The following HLCS variants were observed in gnomAD, a reference collection of about 807,000 sequenced individuals.
HLCS encodes the protein holocarboxylase synthetase, also known as biotin--protein ligase.
In HLCS, 53 loss-of-function variants were observed where a neutral mutation model predicts 75.0. The ratio of observed to expected loss-of-function variants is 0.71; its 90% CI spans 0.57 to 0.89. HLCS has a LOEUF of 0.89. HLCS is among the 40% of genes least tolerant of loss of function. The pLI is 0.00. For missense variants in HLCS, 966 were observed against 1,074.0 expected (o/e 0.90, Z 1.41); for synonymous variants, 431 against 428.6 (o/e 1.01, Z -0.07).
At position 36,753,365 on chromosome 21, in the gene HLCS, GGC is replaced by G. The variant is rs2089439131; in HGVS notation, c.*879_*880del. 6.6e-6 allele frequency: 1 copy of G among 152,156 alleles called. No homozygotes were observed. Among genetic ancestry groups the G allele is most frequent in the African/African-American group, 2.4e-5 (1 of 41,408 alleles). The allele number at this position is 152,156 out of a possible 1,614,324, so 9.4% of individuals were successfully genotyped here. On this transcript the variant is annotated 3_prime_UTR_variant, in exon 11 of 11. Transcript: ENST00000674895. This position sits in a 1 kb window ranked among gnomAD's most constrained non-coding sequence, Gnocchi z 4.3. ...CACATTTCAGAGTAAATCTGAAACT[GGC>G]TTAAAAGCTCCAAATCCTCCCTTGT...
chr21:36,936,313 C>T, intron 4 of HLCS, 136 bp downstream of exon 4: 4 of 819,346 alleles, frequency 4.9e-6, no homozygotes, highest in South Asian at 1.4e-5. Flanking sequence ...AGCAAAAGCT[C>T]CCAGCCAATA....
chr21:36,982,591 A>G (rs1364289657), intron 1 of HLCS, among the ~76,000 whole-genome samples: 2 of 152,206 alleles, frequency 1.3e-5, no homozygotes, highest in African/African-American at 4.8e-5. Flanking sequence ...ACAAAGCTTC[A>G]TATTGTGGTT....
intron 6 of HLCS, among the ~76,000 whole-genome samples, chr21:36,883,542 G>C (rs901137882): frequency 3.3e-5 from 5 of 152,216 alleles, no homozygotes; most frequent in Non-Finnish European, 7.3e-5. Flanking sequence ...AGAAACTACT[G>C]TTAAATCATA....
chr21:36,891,348 T>G (rs1236106905), intron 6 of HLCS, among the ~76,000 whole-genome samples: 1 of 152,184 alleles, frequency 6.6e-6, no homozygotes. Flanking sequence ...AAAGTAAACT[T>G]CCATCCTGTT....
Position 36,976,123 on chromosome 21 carries a change from C to G in HLCS, c.-392-13953G>C, listed in dbSNP as rs2068930834. Reference sequence around the variant, plus strand: ...ATACCCGACAAAAATAGAAATGAAACTCAAGATCCAAGACGCAAGAGTGGC... The same window carrying G: ...ATACCCGACAAAAATAGAAATGAAAGTCAAGATCCAAGACGCAAGAGTGGC... On this transcript the variant is annotated intron_variant, in intron 1 of 11. Transcript: ENST00000336648. 2.0e-5 allele frequency among the ~76,000 whole-genome samples: 3 copies of G among 152,116 alleles called. No homozygotes were observed. In the South Asian group the frequency reaches 6.2e-4, roughly 31 times the overall value.
In HLCS at chr21:36,937,276, C is replaced by CG. The variant is rs1364649593; in HGVS notation, c.609dup (p.Gly204ArgfsTer9). ...TCATCTCTGCCAACATGCTCCATAC[C>CG]GTCCTGCTCAGGCTTAATCTCAAGA... On this transcript the variant is annotated frameshift_variant, in exon 4 of 11. Coordinates refer to ENST00000674895, the MANE Select transcript of HLCS (RefSeq NM_001352514.2). LOFTEE classifies it high-confidence loss of function. 1 of 1,613,932 alleles carries CG rather than the reference C, an allele frequency of 6.2e-7. No individual in the cohort carries two copies. The highest frequency in any genetic ancestry group is 8.5e-7 in the Non-Finnish European group (1 of 1,180,008).
intron 2 of HLCS, among the ~76,000 whole-genome samples, chr21:36,945,844 C>T (rs909831673): frequency 6.6e-6 from 1 of 152,236 alleles, no homozygotes; most frequent in Non-Finnish European, 1.5e-5. Context: ...AGAAAAGAGT[C>T]CAGGCAGTTT....
chr21:36,941,024 C>T (rs1255359798), intron 2 of HLCS, among the ~76,000 whole-genome samples: 2 of 152,170 alleles, frequency 1.3e-5, no homozygotes, highest in Non-Finnish European at 2.9e-5. Context: ...CTAGCCTGGG[C>T]AACATGGTAA....
intron 6 of HLCS, among the ~76,000 whole-genome samples, chr21:36,828,565 A>G (rs2146037295): frequency 6.6e-6 from 1 of 152,348 alleles, no homozygotes; most frequent in Middle Eastern, 3.4e-3. Context: ...TGCAATAGAT[A>G]CATAATACCA....
At chr21:36,931,149 T>C (rs995950586) in intron 4 of HLCS, among the ~76,000 whole-genome samples, 5 of 151,714 alleles carry the variant, frequency 3.3e-5, no homozygotes, top group Admixed American at 6.6e-5. Context: ...CAGGCGTGGT[T>C]GCATGAGCCT....
At chr21:36,925,653 G>T (rs988751742) in intron 5 of HLCS, among the ~76,000 whole-genome samples, 4 of 152,156 alleles carry the variant, frequency 2.6e-5, no homozygotes, top group African/African-American at 9.7e-5. Context: ...AGGGTGGGGG[G>T]CTGGCTCTGC....
chr21:36,765,893 C>T (rs1032636112), intron 7 of HLCS, among the ~76,000 whole-genome samples: 9 of 152,156 alleles, frequency 5.9e-5, no homozygotes, highest in South Asian at 2.1e-4. Flanking sequence ...GTTATCTGCC[C>T]GCCTCGGCCT....
rs2089352270 is a variant in HLCS at position 36,751,174 on chromosome 21, AT to A, written c.*3071del. The A allele has an allele frequency of 6.5e-6, 1 of 152,692 alleles. No homozygotes were observed. The allele number at this position is 152,692 out of a possible 1,614,324, so 9.5% of individuals were successfully genotyped here. Reference sequence around the variant, plus strand: ...ACTTTTAAAAATGAAACTTGTAAAAATAAGAGGGAGCCCAAACCACATAGAA... The same window carrying A: ...ACTTTTAAAAATGAAACTTGTAAAAAAAGAGGGAGCCCAAACCACATAGAA... On this transcript the variant is annotated 3_prime_UTR_variant, in exon 11 of 11. Coordinates refer to ENST00000674895, the MANE Select transcript of HLCS (RefSeq NM_001352514.2).
intron 6 of HLCS, among the ~76,000 whole-genome samples, chr21:36,776,611 C>T (rs1468422261): frequency 6.6e-6 from 1 of 152,078 alleles, no homozygotes; most frequent in Admixed American, 6.6e-5. Flanking sequence ...GATGGGGTTT[C>T]ACCACGTTGG....
chr21:36,917,463 G>A (rs746446146), intron 5 of HLCS, among the ~76,000 whole-genome samples: 8 of 152,122 alleles, frequency 5.3e-5, no homozygotes, highest in Non-Finnish European at 1.0e-4. Flanking sequence ...ACCCCAGTGC[G>A]TTTCATGAAG....
intron 1 of HLCS, among the ~76,000 whole-genome samples, chr21:36,983,261 A>C (rs2069159597): frequency 1.3e-5 from 2 of 151,452 alleles, no homozygotes; most frequent in African/African-American, 4.8e-5. Flanking sequence ...CCCAAGCTGG[A>C]GTGCAGAAGC....
At chr21:36,873,027 T>TG (rs1317242426) in intron 6 of HLCS, among the ~76,000 whole-genome samples, 2 of 152,226 alleles carry the variant, frequency 1.3e-5, no homozygotes, top group African/African-American at 4.8e-5. Flanking sequence ...CTGGGGGATA[T>TG]GCAGTGGTAT....
At chr21:36,834,255 G>C (rs2062323551) in intron 6 of HLCS, among the ~76,000 whole-genome samples, 1 of 152,234 alleles carries the variant, frequency 6.6e-6, no homozygotes. Flanking sequence ...TACACACTGA[G>C]GTAATGAGGT....
intron 6 of HLCS, among the ~76,000 whole-genome samples, chr21:36,819,596 CT>C (rs1569055319): frequency 6.6e-6 from 1 of 151,978 alleles, no homozygotes; most frequent in Non-Finnish European, 1.5e-5. Context: ...TTACGGAAAG[CT>C]TCTAATACAG....
Sources: allele counts gnomAD v4.1 joint callset (sites outside exome capture counted in the v4.1 genomes callset), GRCh38; gene constraint gnomAD v4.1.1; non-coding constraint Gnocchi (gnomAD v3.1); transcripts MANE v1.5; gene names NCBI Gene and HGNC (gene_info 2026-07-23, HGNC 2026-07-21).